ESRRB: variants seen among roughly 807,000 people sequenced by gnomAD.
ESRRB encodes the protein steroid hormone receptor ERR2.
A neutral mutation model predicts 46.0 loss-of-function variants in ESRRB; 16 were observed. That is an observed-to-expected ratio of 0.35 (90% confidence interval 0.24 to 0.53). The LOEUF is 0.53. Ranked by LOEUF, ESRRB falls within the 20% of genes least tolerant of loss-of-function variation. The pLI is 0.93. For synonymous variants in ESRRB, 246 were observed against 259.6 expected (o/e 0.95, Z 0.50); for missense variants, 488 against 607.4 (o/e 0.80, Z 2.07).
intron 1 of ESRRB, among the ~76,000 whole-genome samples, chr14:76,393,096 G>T (rs1285612313): frequency 6.6e-6 from 1 of 152,350 alleles, no homozygotes; most frequent in East Asian, 1.9e-4. Flanking sequence ...GCTTTGGTCT[G>T]TAAGGTGCTG....
chr14:76,364,852 T>C (rs1352659349), intron 1 of ESRRB, among the ~76,000 whole-genome samples: 2 of 152,194 alleles, frequency 1.3e-5, no homozygotes, highest in African/African-American at 4.8e-5. Flanking sequence ...GACACCAGAT[T>C]GGATCATTTT....
In ESRRB at chr14:76,338,867, A is replaced by G. The variant is rs535362126; in HGVS notation, c.2+27951A>G. ...CTGAGGCAGGAGAATCTCTTGAACC[A>G]GGGAGGTGGAGGTTGCAGTGAGCCA... On this transcript the variant is annotated intron_variant, in intron 1 of 6. Coordinates refer to the ESRRB transcript ENST00000512784. Among the ~76,000 whole-genome samples the G allele has an allele frequency of 2.1e-4, 32 of 152,236 alleles. No individual in the cohort carries two copies. In the South Asian group the frequency reaches 6.6e-3, roughly 32 times the overall value.
rs117558035 is a variant in ESRRB, at chr14:76,331,625, A to C, written c.2+20709A>C. Among the ~76,000 whole-genome samples the C allele has an allele frequency of 1.8e-4, 27 of 152,196 alleles. No individual in the cohort carries two copies. The East Asian group carries it at 4.8e-3, about 27-fold the overall frequency. On this transcript the variant is annotated intron_variant, in intron 1 of 6. Coordinates refer to the ESRRB transcript ENST00000512784. ...ATCTAAGGTTCTCTGCTTGAAGGAC[A>C]ACAGAGAGCTGGGGATATGCAGCTG...
rs117704530 is a variant in ESRRB, at chr14:76,436,144, G to T, written c.51-3197G>T. On this transcript the variant is annotated intron_variant, in intron 1 of 6. Transcript: ENST00000644823. ...TTGCACCCTTCTGAATCAAGGAGGG[G>T]AGCGGAAGAGGAAACCAAGGCTTGG... Among the ~76,000 whole-genome samples, 1,518 of 152,354 alleles carry T rather than the reference G, an allele frequency of 1.0e-2. 15 individuals carry two copies. Among genetic ancestry groups the T allele is most frequent in the Non-Finnish European group, 0.015 (1,007 of 68,040 alleles).
At chr14:76,462,176 G>A (rs947824903) in intron 2 of ESRRB, among the ~76,000 whole-genome samples, 14 of 129,792 alleles carry the variant, frequency 1.1e-4, no homozygotes, top group Non-Finnish European at 1.4e-4. Context: ...TGGTGGTGGT[G>A]GTGGTGGTGG....
chr14:76,474,340 G>T (rs979189823), intron 3 of ESRRB, among the ~76,000 whole-genome samples: 2 of 152,174 alleles, frequency 1.3e-5, no homozygotes, highest in African/African-American at 4.8e-5. Context: ...ATTTTATGTT[G>T]TTAATTCCAC....
In ESRRB at chr14:76,314,785, G is replaced by A. The variant is rs192532082; in HGVS notation, c.2+3869G>A. The stretch of plus-strand genomic sequence containing the variant: ...AGGTCAGAAGTCTAAGTCCCGGCAA[G>A]CATTCTGGCCTCTCTCTCCCCTCCT... On this transcript the variant is annotated intron_variant, in intron 1 of 6. Transcript: ENST00000512784. 8.7e-3 allele frequency among the ~76,000 whole-genome samples: 1,319 copies of A among 152,106 alleles called. 18 individuals are homozygous for A. Among genetic ancestry groups the A allele is most frequent in the African/African-American group, 0.03 (1,261 of 41,500 alleles).
At position 76,320,716 on chromosome 14, in the gene ESRRB, C is replaced by G. The variant is rs182853656; in HGVS notation, c.2+9800C>G. On this transcript the variant is annotated intron_variant, in intron 1 of 6. Coordinates refer to the ESRRB transcript ENST00000512784. ...TGGTGCTTAGCGGTTTTGGTTTCCT[C>G]CCTTGAGGCCCTCCCTCATGGGTCA... 3.9e-3 allele frequency among the ~76,000 whole-genome samples: 590 copies of G among 152,298 alleles called. 2 individuals are homozygous for G. The highest frequency in any genetic ancestry group is 0.013 in the South Asian group (64 of 4,816).
At chr14:76,331,082 A>G (rs997279063) in intron 1 of ESRRB, among the ~76,000 whole-genome samples, 2 of 152,056 alleles carry the variant, frequency 1.3e-5, no homozygotes, top group African/African-American at 2.4e-5. Context: ...GGAACCTACC[A>G]GATGGCCAAA....
In ESRRB at chr14:76,439,513, A is replaced by G; in HGVS notation, c.223A>G (p.Asn75Asp). 1.2e-6 allele frequency: 2 copies of G among 1,613,050 alleles called. No homozygotes were observed. The highest frequency in any genetic ancestry group is 1.1e-5 in the South Asian group (1 of 91,050). The change falls in exon 2 of 7, where the codon AAC (asparagine) becomes GAC (aspartate). Residue 75 changes from asparagine (N) to aspartate (D), a missense_variant. Coordinates refer to ENST00000644823, the MANE Select transcript of ESRRB (RefSeq NM_001379180.1). ...GFGLALGTHANGLDSPPMFAG... is the reference protein window; with the variant it reads ...GFGLALGTHADGLDSPPMFAG... ...TGGCCTGGCCCTGGGCACCCACGCCAACGGTCTGGACTCGCCACCCATGTT... is the reference window on the plus strand; with the variant it reads ...TGGCCTGGCCCTGGGCACCCACGCCGACGGTCTGGACTCGCCACCCATGTT...
chr14:76,490,166 G>A (rs993956588), intron 5 of ESRRB, among the ~76,000 whole-genome samples: 7 of 152,204 alleles, frequency 4.6e-5, no homozygotes, highest in Non-Finnish European at 7.3e-5. Context: ...AAACAACTTT[G>A]TGGATGCCCT....
intron 2 of ESRRB, among the ~76,000 whole-genome samples, chr14:76,455,012 T>C (rs1888544077): frequency 1.3e-5 from 2 of 150,828 alleles, no homozygotes; most frequent in East Asian, 3.9e-4. Context: ...CGGTGAGGAG[T>C]TTGAGACCAG....
At chr14:76,375,546 A>T (rs1595059826), upstream of ESRRB, among the ~76,000 whole-genome samples, 1 of 152,146 alleles carries the variant, frequency 6.6e-6, no homozygotes, top group African/African-American at 2.4e-5. Context: ...ATAGATGCGC[A>T]CCCTGCATCT....
chr14:76,477,957 G>T (rs781202852), intron 3 of ESRRB, among the ~76,000 whole-genome samples: 2 of 152,116 alleles, frequency 1.3e-5, no homozygotes, highest in Non-Finnish European at 2.9e-5. Context: ...GTAAAATGAG[G>T]ATAATAGCAC....
chr14:76,404,884 G>T (rs1356215885), intron 1 of ESRRB, among the ~76,000 whole-genome samples: 1 of 152,108 alleles, frequency 6.6e-6, no homozygotes, highest in Non-Finnish European at 1.5e-5. Flanking sequence ...CCTTATAGAG[G>T]AGGGCTCAGT....
intron 2 of ESRRB, among the ~76,000 whole-genome samples, chr14:76,440,234 A>G (rs1309345791): frequency 6.6e-6 from 1 of 152,140 alleles, no homozygotes; most frequent in African/African-American, 2.4e-5. Context: ...TTGGGAGGCC[A>G]AGGCCAGAGG....
chr14:76,462,615 G>A lies in ESRRB; in HGVS notation c.531G>A (p.Gln177=), dbSNP rs748560984. 6.2e-7 allele frequency: 1 copy of A among 1,614,142 alleles called. No individual in the cohort carries two copies. The highest frequency in any genetic ancestry group is 8.5e-7 in the Non-Finnish European group (1 of 1,180,008). ...EITKRRRKSC[Q]ACRFMKCLKV... is the part of the protein sequence containing the mutation. ...CCAAACGGAGGCGCAAGTCCTGCCA[G>A]GCCTGCCGCTTCATGAAATGCCTCA... The change falls in exon 3 of 7, where the codon CAG becomes CAA. Residue 177 remains glutamine (Q), a synonymous_variant. Coordinates refer to ENST00000644823, the MANE Select transcript of ESRRB (RefSeq NM_001379180.1).
intron 1 of ESRRB, among the ~76,000 whole-genome samples, chr14:76,377,863 T>G (rs1175518824): frequency 6.6e-6 from 1 of 152,144 alleles, no homozygotes; most frequent in Admixed American, 6.5e-5. Context: ...GTTTGGGGAT[T>G]TTCCCCACTC....
At chr14:76,375,158 C>T (rs542901701), upstream of ESRRB, among the ~76,000 whole-genome samples, 1 of 151,276 alleles carries the variant, frequency 6.6e-6, no homozygotes, top group Admixed American at 6.6e-5. Flanking sequence ...TATACCTACC[C>T]CCCTCCCCAC....
Sources: gnomAD v4.1 joint callset for allele counts (sites outside exome capture counted in the v4.1 genomes callset) on GRCh38, gnomAD v4.1.1 for gene constraint, MANE v1.5 for transcripts, NCBI Gene and HGNC (gene_info 2026-07-23, HGNC 2026-07-21) for gene names.